The following MOSPD2 variants were observed in gnomAD, a reference collection of about 807,000 sequenced individuals.
MOSPD2 encodes the protein motile sperm domain-containing protein 2.
Under a neutral mutation model 41.7 loss-of-function variants are expected in MOSPD2, and 5 were observed. The ratio of observed to expected loss-of-function variants is 0.12; its 90% CI spans 0.06 to 0.25. The LOEUF (loss-of-function observed/expected upper bound fraction) is 0.25. Among genes scored for constraint, MOSPD2 ranks in the 10% least tolerant of loss-of-function variants. The probability of loss-of-function intolerance (pLI) is 1.00; values close to 1 mark genes in which losing one functional copy is unlikely to be tolerated. For synonymous variants in MOSPD2, 115 were observed against 126.9 expected (o/e 0.91, Z 0.63); for missense variants, 282 against 375.2 (o/e 0.75, Z 2.05).
chrX:14,910,931 T>TACACAC (rs35768433), intron 8 of MOSPD2, among the ~76,000 whole-genome samples: 19,440 of 100,346 alleles, frequency 0.19, 1,896 homozygotes, highest in Non-Finnish European at 0.28. Flanking sequence ...TCTTTAAAAA[T>TACACAC]ACACACACAC....
At chrX:14,889,645 T>C (rs1282132136) in intron 2 of MOSPD2, among the ~76,000 whole-genome samples, 1 of 110,567 alleles carries the variant, frequency 9.0e-6, no homozygotes, top group Non-Finnish European at 1.9e-5. Context: ...TTGTCTTCTC[T>C]TTTCTTTCCC....
At chrX:14,890,957 G>GA (rs1278890170) in intron 2 of MOSPD2, among the ~76,000 whole-genome samples, 1 of 111,788 alleles carries the variant, frequency 8.9e-6, no homozygotes, top group Non-Finnish European at 1.9e-5. Flanking sequence ...TGACAACTGA[G>GA]AAAAAAATGA....
At chrX:14,880,454 T>C (rs929734211) in intron 2 of MOSPD2, among the ~76,000 whole-genome samples, 1 of 111,917 alleles carries the variant, frequency 8.9e-6, no homozygotes, top group Admixed American at 9.5e-5. Flanking sequence ...ACTTTCCAAT[T>C]CTTAAATCTT....
At chrX:14,904,981 C>T (rs1479773813) in intron 7 of MOSPD2, among the ~76,000 whole-genome samples, 1 of 111,538 alleles carries the variant, frequency 9.0e-6, no homozygotes, top group Non-Finnish European at 1.9e-5. Flanking sequence ...CACTTAAGGC[C>T]CCCAGACAAA....
chrX:14,920,455 T>A lies in MOSPD2; in HGVS notation c.*646T>A. The A allele has an allele frequency of 1.3e-6, 1 of 754,507 alleles. No individual in the cohort carries two copies. Among genetic ancestry groups the A allele is most frequent in the African/African-American group, 2.3e-5 (1 of 43,588 alleles). The allele number at this position is 754,507 out of a possible 1,213,427, so 62.2% of individuals were successfully genotyped here. ...CTTTTATTAATCTCAGGCTTTTTTATGAACACTCTCATTTCAGTAGAATTT... is the reference window on the plus strand; with the variant it reads ...CTTTTATTAATCTCAGGCTTTTTTAAGAACACTCTCATTTCAGTAGAATTT... On this transcript the variant is annotated 3_prime_UTR_variant, in exon 15 of 15. Transcript: ENST00000380492.
At chrX:14,886,233 C>T (rs948427713) in intron 2 of MOSPD2, among the ~76,000 whole-genome samples, 1 of 111,287 alleles carries the variant, frequency 9.0e-6, no homozygotes, top group Non-Finnish European at 1.9e-5. Context: ...TGTGCTTATG[C>T]GAAGACCTTG....
chrX:14,887,881 T>C (rs1278850121), intron 2 of MOSPD2, among the ~76,000 whole-genome samples: 1 of 110,659 alleles, frequency 9.0e-6, no homozygotes, highest in Non-Finnish European at 1.9e-5. Flanking sequence ...TCTTTAGTTC[T>C]TTCTCTCCCA....
At chrX:14,873,904 C>A in intron 2 of MOSPD2, 146 bp downstream of exon 2, 1 of 525,830 alleles carries the variant, frequency 1.9e-6, no homozygotes, top group Admixed American at 2.6e-5. Flanking sequence ...AAAGGTTTTC[C>A]TCTCCATGAC....
At chrX:14,892,682 A>G (rs2092556156) in intron 2 of MOSPD2, 41 bp from the exon 3 acceptor site, 1 of 1,087,714 alleles carries the variant, frequency 9.2e-7, no homozygotes. Context: ...TTCACTGCAG[A>G]ATTAATCTGA....
At chrX:14,918,445 T>C (rs1204444790) in intron 13 of MOSPD2, among the ~76,000 whole-genome samples, 2 of 111,848 alleles carry the variant, frequency 1.8e-5, no homozygotes, top group African/African-American at 6.5e-5. Context: ...ACACTTTCAT[T>C]TGAATTTTAC....
intron 10 of MOSPD2, 56 bp downstream of exon 10, chrX:14,912,417 AG>A: frequency 1.3e-6 from 1 of 753,440 alleles, no homozygotes; most frequent in Non-Finnish European, 1.8e-6. Context: ...GATCACCTTG[AG>A]GGAGCCACAA....
At chrX:14,917,547 C>CTA (rs765333496) in intron 13 of MOSPD2, among the ~76,000 whole-genome samples, 109 of 111,684 alleles carry the variant, frequency 9.8e-4, no homozygotes, top group African/African-American at 3.4e-3. Context: ...TGTGTAGAAA[C>CTA]TAGACGGTGG....
At chrX:14,889,905 T>C (rs1377344257) in intron 2 of MOSPD2, among the ~76,000 whole-genome samples, 2 of 111,821 alleles carry the variant, frequency 1.8e-5, no homozygotes, top group African/African-American at 6.5e-5. Context: ...AATAGTGTTT[T>C]ATTCTTCTTA....
intron 5 of MOSPD2, among the ~76,000 whole-genome samples, chrX:14,898,557 A>C (rs1338950425): frequency 8.9e-6 from 1 of 111,884 alleles, no homozygotes; most frequent in Non-Finnish European, 1.9e-5. Flanking sequence ...GTGGTTTTAA[A>C]TTAGAGAAAG....
In MOSPD2 at chrX:14,873,424, C is replaced by G. The variant is rs937091161; in HGVS notation, c.-105C>G. On this transcript the variant is annotated 5_prime_UTR_variant, in exon 1 of 15. Coordinates refer to ENST00000380492, the MANE Select transcript of MOSPD2 (RefSeq NM_152581.4). ...CACGCGACCGCCTCCCCCTCCCACC[C>G]TTCTCTGTCTACCTCTGGGCGGGAC... The G allele has an allele frequency of 8.9e-7, 1 of 1,127,879 alleles. No individual in the cohort carries two copies. The highest frequency in any genetic ancestry group is 1.2e-6 in the Non-Finnish European group (1 of 823,835). 92.9% of individuals were successfully genotyped at this position (1,127,879 alleles called of 1,213,427 possible).
intron 2 of MOSPD2, among the ~76,000 whole-genome samples, chrX:14,890,191 A>T (rs937751474): frequency 3.8e-5 from 4 of 105,695 alleles, no homozygotes; most frequent in Non-Finnish European, 7.7e-5. Context: ...CAGCACTCTT[A>T]GTTTAAAAAA....
chrX:14,909,102 C>A, intron 8 of MOSPD2, 118 bp downstream of exon 8: 2 of 561,336 alleles, frequency 3.6e-6, no homozygotes, highest in Admixed American at 4.3e-5. Flanking sequence ...ATCACAGATA[C>A]CCCCAAAATA....
intron 10 of MOSPD2, among the ~76,000 whole-genome samples, chrX:14,913,823 G>A (rs899340881): frequency 2.7e-5 from 3 of 111,798 alleles, no homozygotes; most frequent in African/African-American, 9.7e-5. Flanking sequence ...ATACAATTTG[G>A]CTAATGTAAC....
chrX:14,920,209 A>G lies in MOSPD2; in HGVS notation c.*400A>G, dbSNP rs1249695135. 6 of 754,532 alleles carry G rather than the reference A, an allele frequency of 8.0e-6. No individual in the cohort carries two copies. Among genetic ancestry groups the G allele is most frequent in the Non-Finnish European group, 7.8e-6 (5 of 638,984 alleles). The allele number at this position is 754,532 out of a possible 1,213,427, so 62.2% of individuals were successfully genotyped here. On this transcript the variant is annotated 3_prime_UTR_variant, in exon 15 of 15. Coordinates refer to ENST00000380492, the MANE Select transcript of MOSPD2 (RefSeq NM_152581.4). The stretch of plus-strand genomic sequence containing the variant: ...ATGTAATCTGCTTTTTTATGACAGA[A>G]TTATTATAGCTGAGCTGACTTACTA...
Sources: allele counts gnomAD v4.1 joint callset (sites outside exome capture counted in the v4.1 genomes callset), GRCh38; gene constraint gnomAD v4.1.1; transcripts MANE v1.5; gene names NCBI Gene and HGNC (gene_info 2026-07-23, HGNC 2026-07-21).